The following SLC24A3 variants were observed in gnomAD, a reference collection of about 807,000 sequenced individuals.
SLC24A3 encodes sodium/potassium/calcium exchanger 3.
In SLC24A3, 28 loss-of-function variants were observed where a neutral mutation model predicts 75.8. That is an observed-to-expected ratio of 0.37 (90% CI 0.27 to 0.51). The LOEUF (loss-of-function observed/expected upper bound fraction) is 0.51. SLC24A3 is among the 20% of genes least tolerant of loss of function. The pLI, the probability that SLC24A3 is intolerant of heterozygous loss-of-function variation, is 0.94. For missense variants in SLC24A3, 663 were observed against 847.8 expected, an observed-to-expected ratio of 0.78 and a Z score of 2.71; for synonymous variants, 372 against 334.1, an observed-to-expected ratio of 1.11 and a Z score of -1.24.
At chr20:19,284,438 G>A (rs1449481831) in intron 2 of SLC24A3, 1 of 152,696 alleles carries the variant, frequency 6.5e-6, no homozygotes, top group Non-Finnish European at 1.5e-5. Context: ...AGAGAGGCTA[G>A]GAAGTGAGCC....
chr20:19,344,590 T>A (rs1985346024), intron 2 of SLC24A3, among the ~76,000 whole-genome samples: 1 of 152,190 alleles, frequency 6.6e-6, no homozygotes, highest in African/African-American at 2.4e-5. Context: ...TTCAACCCAC[T>A]CAGTGGCTTG....
In SLC24A3 at chr20:19,684,130, C is replaced by T. The variant is rs764038562; in HGVS notation, c.902-46C>T. 9 of 1,592,206 alleles carry T rather than the reference C, an allele frequency of 5.7e-6. No homozygotes were observed. In the East Asian group the frequency reaches 2.0e-4, roughly 36 times the overall value. ...AGAATAAATGAATGCCTCTTTCCTG[C>T]TCCTGGCCTCCATGTTATTTTACCT... On this transcript the variant is annotated intron_variant, in intron 10 of 16. Coordinates refer to ENST00000328041, the MANE Select transcript of SLC24A3 (RefSeq NM_020689.4).
At chr20:19,632,381 CT>C (rs1271164989) in intron 6 of SLC24A3, among the ~76,000 whole-genome samples, 2 of 152,136 alleles carry the variant, frequency 1.3e-5, no homozygotes, top group Non-Finnish European at 2.9e-5. Context: ...GAATCCATTT[CT>C]TTGCTTTTCT....
At chr20:19,349,056 C>G (rs1407613060) in intron 2 of SLC24A3, among the ~76,000 whole-genome samples, 1 of 152,168 alleles carries the variant, frequency 6.6e-6, no homozygotes, top group Admixed American at 6.5e-5. Flanking sequence ...TCTAGGCCTT[C>G]TTCTGTGTAG....
At chr20:19,501,009 C>T (rs1445368406) in intron 2 of SLC24A3, among the ~76,000 whole-genome samples, 1 of 152,132 alleles carries the variant, frequency 6.6e-6, no homozygotes, top group African/African-American at 2.4e-5. Context: ...AATTGTATTA[C>T]TTTATGGATC....
At chr20:19,684,699 G>C (rs1417057916) in intron 11 of SLC24A3, among the ~76,000 whole-genome samples, 1 of 152,120 alleles carries the variant, frequency 6.6e-6, no homozygotes, top group Admixed American at 6.5e-5. Context: ...TCCCTGACTT[G>C]AATTTTGCTG....
intron 2 of SLC24A3, among the ~76,000 whole-genome samples, chr20:19,489,358 A>ATT (rs1988173592): frequency 6.6e-6 from 1 of 152,052 alleles, no homozygotes; most frequent in South Asian, 2.1e-4. Context: ...CAAGCATCTC[A>ATT]TTTTATTGTG....
At chr20:19,447,181 G>A (rs1987401316) in intron 2 of SLC24A3, among the ~76,000 whole-genome samples, 1 of 152,102 alleles carries the variant, frequency 6.6e-6, no homozygotes, top group African/African-American at 2.4e-5. Context: ...GTGAAATCTG[G>A]GAATACTTAC....
In SLC24A3 at chr20:19,276,916, A is replaced by G. The variant is rs1050794671; in HGVS notation, c.143-4043A>G. 2.6e-5 allele frequency among the ~76,000 whole-genome samples: 4 copies of G among 151,868 alleles called. No homozygotes were observed. In the East Asian group the frequency reaches 7.7e-4, roughly 29 times the overall value. On this transcript the variant is annotated intron_variant, in intron 1 of 16. Coordinates refer to ENST00000328041, the MANE Select transcript of SLC24A3 (RefSeq NM_020689.4). The stretch of plus-strand genomic sequence containing the variant: ...CTCTAATTAAAAAAAAAAAAAATTG[A>G]CCACTCTTATATATGCCCTCCGACG...
intron 1 of SLC24A3, among the ~76,000 whole-genome samples, chr20:19,267,635 C>T (rs568014953): frequency 1.3e-5 from 2 of 151,850 alleles, no homozygotes; most frequent in South Asian, 2.1e-4. Flanking sequence ...TTAAGTGGAA[C>T]ATACACGTTT....
Position 19,413,493 on chromosome 20 carries a change from G to A in SLC24A3, c.272-101995G>A, listed in dbSNP as rs764386731. 2.3e-4 allele frequency among the ~76,000 whole-genome samples: 35 copies of A among 152,112 alleles called. 1 individual carries two copies. Among genetic ancestry groups the A allele is most frequent in the Admixed American group, 1.8e-3 (27 of 15,278 alleles). The stretch of plus-strand genomic sequence containing the variant: ...TCAGGTGGGCCCTTTGAGCTGCCCC[G>A]TTCTTTAAAGGAGACTGTCTGGGAA... On this transcript the variant is annotated intron_variant, in intron 2 of 16. Coordinates refer to ENST00000328041, the MANE Select transcript of SLC24A3 (RefSeq NM_020689.4).
At chr20:19,569,109 C>T (rs1487802302) in intron 3 of SLC24A3, among the ~76,000 whole-genome samples, 4 of 152,178 alleles carry the variant, frequency 2.6e-5, no homozygotes, top group Non-Finnish European at 5.9e-5. Flanking sequence ...GGAGGTCAGA[C>T]CTGTCCAGCG....
chr20:19,331,007 A>G (rs1042369867), intron 2 of SLC24A3, among the ~76,000 whole-genome samples: 3 of 152,222 alleles, frequency 2.0e-5, no homozygotes, highest in Non-Finnish European at 4.4e-5. Flanking sequence ...GTGTTCTTCC[A>G]AAATGCTGAA....
At chr20:19,686,812 C>G (rs11697432) in intron 12 of SLC24A3, among the ~76,000 whole-genome samples, 5 of 152,166 alleles carry the variant, frequency 3.3e-5, no homozygotes, top group Non-Finnish European at 5.9e-5. Flanking sequence ...ATTCCTATTC[C>G]CCCAGGTCCC....
chr20:19,387,062 T>C (rs771592244), intron 2 of SLC24A3, among the ~76,000 whole-genome samples: 12 of 152,182 alleles, frequency 7.9e-5, no homozygotes, highest in Non-Finnish European at 1.5e-4. Context: ...TTCTTCATAA[T>C]TTAGTGTTGT....
chr20:19,629,217 A>G (rs2031905135), intron 6 of SLC24A3, among the ~76,000 whole-genome samples: 1 of 152,160 alleles, frequency 6.6e-6, no homozygotes, highest in Non-Finnish European at 1.5e-5. Flanking sequence ...AAACTATAAA[A>G]AAGAACTAAA....
chr20:19,290,432 G>A (rs531098670), intron 2 of SLC24A3, among the ~76,000 whole-genome samples: 3 of 152,294 alleles, frequency 2.0e-5, no homozygotes, highest in Admixed American at 2.0e-4. Flanking sequence ...ATTAGGTCAT[G>A]AGATCAGTCC....
chr20:19,522,524 A>G (rs903666466), intron 3 of SLC24A3, among the ~76,000 whole-genome samples: 1 of 152,204 alleles, frequency 6.6e-6, no homozygotes, highest in Non-Finnish European at 1.5e-5. Context: ...CCACATCAAT[A>G]AAGTGGGAAC....
intron 6 of SLC24A3, among the ~76,000 whole-genome samples, chr20:19,606,425 G>A (rs1426043287): frequency 2.0e-5 from 3 of 152,178 alleles, no homozygotes; most frequent in Non-Finnish European, 2.9e-5. Flanking sequence ...AGCTCAGGGT[G>A]TTTAAAAATG....
Sources: gnomAD v4.1 joint callset for allele counts (sites outside exome capture counted in the v4.1 genomes callset) on GRCh38, gnomAD v4.1.1 for gene constraint, MANE v1.5 for transcripts, NCBI Gene and HGNC (gene_info 2026-07-23, HGNC 2026-07-21) for gene names.